Variants in GALNT13 observed in about 807,000 individuals in gnomAD.
GALNT13 encodes the protein UDP-GalNAc:polypeptide N-acetylgalactosaminyltransferase 13.
Under a neutral mutation model 64.2 loss-of-function variants are expected in GALNT13, and 28 were observed. The observed-to-expected ratio is 0.44, with a 90% CI of 0.32 to 0.60. The LOEUF (loss-of-function observed/expected upper bound fraction) is 0.60, where lower values mean the gene tolerates loss of function less well. Among genes scored for constraint, GALNT13 ranks in the 20% least tolerant of loss-of-function variants. The probability of loss-of-function intolerance (pLI) is 0.05; values close to 1 mark genes in which losing one functional copy is unlikely to be tolerated. For missense variants in GALNT13, 577 were observed against 669.8 expected (o/e 0.86, Z 1.53); for synonymous variants, 214 against 224.6 (o/e 0.95, Z 0.42).
At chr2:154,371,760 C>CT (rs11429388) in intron 9 of GALNT13, among the ~76,000 whole-genome samples, 118,510 of 145,048 alleles carry the variant, frequency 0.82, 47,832 homozygotes, top group Middle Eastern at 0.88. Context: ...AGGCCTTAAG[C>CT]TTTTTTTGTG....
chr2:153,845,836 A>G, the GALNT13 span, among the ~76,000 whole-genome samples: 1 of 152,206 alleles, frequency 6.6e-6, no homozygotes, highest in African/African-American at 2.4e-5. Context: ...TACCAAACAC[A>G]AGTTGTAGAA....
chr2:154,183,616 G>A (rs1686086593), intron 4 of GALNT13, among the ~76,000 whole-genome samples: 1 of 152,180 alleles, frequency 6.6e-6, no homozygotes, highest in South Asian at 2.1e-4. Context: ...GGGGACTGAG[G>A]CAGGAGAATC....
the GALNT13 span, among the ~76,000 whole-genome samples, chr2:153,092,419 A>C: frequency 1.8e-4 from 28 of 152,196 alleles, no homozygotes; most frequent in East Asian, 5.8e-4. Context: ...GAGTCTGTAG[A>C]TTGCTTAGGG....
the GALNT13 span, among the ~76,000 whole-genome samples, chr2:153,152,081 G>A: frequency 6.6e-6 from 1 of 151,906 alleles, no homozygotes; most frequent in Non-Finnish European, 1.5e-5. Flanking sequence ...TGCTTTCTGG[G>A]GAGAGCTAGT....
At chr2:153,547,994 T>C in the GALNT13 span, among the ~76,000 whole-genome samples, 1 of 152,214 alleles carries the variant, frequency 6.6e-6, no homozygotes, top group Non-Finnish European at 1.5e-5. Context: ...GTAGTTGACA[T>C]CCAATAATTG....
chr2:154,054,500 T>C (rs1293655561), intron 3 of GALNT13, among the ~76,000 whole-genome samples: 1 of 152,054 alleles, frequency 6.6e-6, no homozygotes, highest in African/African-American at 2.4e-5. Context: ...ACTCATGAAA[T>C]ATTTTGCCTT....
intron 3 of GALNT13, among the ~76,000 whole-genome samples, chr2:154,121,196 A>G (rs774406258): frequency 6.6e-6 from 1 of 152,202 alleles, no homozygotes; most frequent in Non-Finnish European, 1.5e-5. Context: ...TGTTTCAGAC[A>G]TATTTCCAAG....
chr2:153,603,688 T>C, the GALNT13 span, among the ~76,000 whole-genome samples: 2 of 152,012 alleles, frequency 1.3e-5, no homozygotes, highest in Admixed American at 1.3e-4. Context: ...TGTTATATTT[T>C]ATTGAGGCTT....
At chr2:153,660,445 C>T in the GALNT13 span, among the ~76,000 whole-genome samples, 1 of 151,914 alleles carries the variant, frequency 6.6e-6, no homozygotes, top group Non-Finnish European at 1.5e-5. Context: ...GAGCAAGGAA[C>T]TGATACTGTA....
chr2:153,569,239 A>G, the GALNT13 span, among the ~76,000 whole-genome samples: 2 of 152,258 alleles, frequency 1.3e-5, no homozygotes, highest in East Asian at 1.9e-4. Flanking sequence ...TTCTATTACT[A>G]TAATTTTAGC....
At chr2:154,009,157 T>C (rs1696454643) in intron 3 of GALNT13, among the ~76,000 whole-genome samples, 1 of 142,690 alleles carries the variant, frequency 7.0e-6, no homozygotes, top group Non-Finnish European at 1.5e-5. Context: ...GAAAGTCCTT[T>C]CTCCATTGCT....
Position 154,041,615 on chromosome 2 carries a change from T to G in GALNT13, c.142+96976T>G, listed in dbSNP as rs1430200043. ...TATTGACATGTGAGAAGTTCAGAGT[T>G]CCTTCAGCATAGGGCATTCTGTTAA... On this transcript the variant is annotated intron_variant, in intron 3 of 12. Coordinates refer to ENST00000392825, the MANE Select transcript of GALNT13 (RefSeq NM_052917.4). Among the ~76,000 whole-genome samples the G allele has an allele frequency of 1.4e-5, 2 of 140,632 alleles. 1 individual carries two copies. The highest frequency in any genetic ancestry group is 3.3e-5 in the Non-Finnish European group (2 of 61,252). 92.3% of individuals were successfully genotyped at this position (140,632 alleles called of 152,430 possible). A position where few individuals can be genotyped will look rare whatever the true frequency, so the allele number is the denominator to read the frequency against.
the GALNT13 span, among the ~76,000 whole-genome samples, chr2:153,429,116 T>A: frequency 6.6e-6 from 1 of 152,150 alleles, no homozygotes; most frequent in African/African-American, 2.4e-5. Flanking sequence ...TTATCACCAA[T>A]TAAAAGGGTA....
chr2:153,219,132 C>T, the GALNT13 span, among the ~76,000 whole-genome samples: 1 of 152,152 alleles, frequency 6.6e-6, no homozygotes, highest in Non-Finnish European at 1.5e-5. Context: ...GACTGTATGC[C>T]TCAAAGCATC....
chr2:153,424,921 G>A, the GALNT13 span, among the ~76,000 whole-genome samples: 6 of 151,734 alleles, frequency 4.0e-5, no homozygotes, highest in African/African-American at 1.4e-4. Context: ...TCAGACAAAA[G>A]TGAAAAATAA....
At chr2:153,079,185 A>G in the GALNT13 span, among the ~76,000 whole-genome samples, 58 of 152,174 alleles carry the variant, frequency 3.8e-4, no homozygotes, top group Non-Finnish European at 7.9e-4. Context: ...ACTGGGGTCT[A>G]TCAGGAGCTA....
chr2:153,340,847 T>C, the GALNT13 span, among the ~76,000 whole-genome samples: 1 of 152,228 alleles, frequency 6.6e-6, no homozygotes, highest in Admixed American at 6.5e-5. Flanking sequence ...CTGAATTCAA[T>C]GTACTTTTTA....
intron 8 of GALNT13, among the ~76,000 whole-genome samples, chr2:154,275,418 T>A (rs984795700): frequency 3.3e-5 from 5 of 152,192 alleles, no homozygotes; most frequent in Non-Finnish European, 7.3e-5. Flanking sequence ...GCATCCCAGA[T>A]GCTCTAGCTA....
At chr2:153,261,701 T>G in the GALNT13 span, among the ~76,000 whole-genome samples, 1 of 152,076 alleles carries the variant, frequency 6.6e-6, no homozygotes, top group African/African-American at 2.4e-5. Context: ...CTATGTTCAC[T>G]CAAGGCCCAA....
Sources: allele counts gnomAD v4.1 joint callset (sites outside exome capture counted in the v4.1 genomes callset), GRCh38; gene constraint gnomAD v4.1.1; transcripts MANE v1.5; gene names NCBI Gene and HGNC (gene_info 2026-07-23, HGNC 2026-07-21).